Variants in ABCC2 observed in about 807,000 individuals in gnomAD.
The protein encoded by ABCC2 is ATP binding cassette subfamily C member 2.
ABCC2 carries 157 observed loss-of-function variants against 173.4 expected under a neutral mutation model. That is an observed-to-expected ratio of 0.91 (90% CI 0.80 to 1.03). The LOEUF (loss-of-function observed/expected upper bound fraction) is 1.03. ABCC2 is among the 50% of genes least tolerant of loss of function. The pLI is 0.00. For synonymous variants in ABCC2, 657 were observed against 693.5 expected, an observed-to-expected ratio of 0.95 and a Z score of 0.83; for missense variants, 1,822 against 1,852.3, an observed-to-expected ratio of 0.98 and a Z score of 0.30.
chr10:99,784,723 A>G lies in ABCC2; in HGVS notation c.149A>G (p.His50Arg). The change falls in exon 2 of 32, where the codon CAC becomes CGC. Residue 50 changes from histidine to arginine, a missense_variant. His to Arg is a conservative substitution (Grantham distance 29). Transcript: ENST00000647814. ...CTCCTGGCCCCCTGGCAGCTTCTCC[A>G]CGTGTATAAATCCAGGACCAAGAGA... ...LWLLAPWQLL[H>R]VYKSRTKRSS... The G allele has an allele frequency of 6.2e-7, 1 of 1,614,110 alleles. No individual in the cohort carries two copies. The highest frequency in any genetic ancestry group is 8.5e-7 in the Non-Finnish European group (1 of 1,180,020).
chr10:99,821,757 C>T (rs935547497), intron 19 of ABCC2, among the ~76,000 whole-genome samples: 8 of 152,216 alleles, frequency 5.3e-5, no homozygotes, highest in African/African-American at 1.7e-4. Context: ...TCTTTCTACA[C>T]AGACACAGTG....
rs2038143605 is a variant in ABCC2 at position 99,808,073 on chromosome 10, C to T, written c.1669-10C>T. Reference sequence around the variant, plus strand: ...TAGGAATAAATTGCTCATGACCTTGCCCTTTCCAGGTATCTGTGGTCACAT... The same window carrying T: ...TAGGAATAAATTGCTCATGACCTTGTCCTTTCCAGGTATCTGTGGTCACAT... On this transcript the variant is annotated splice_polypyrimidine_tract_variant and intron_variant, in intron 12 of 31. Coordinates refer to ENST00000647814, the MANE Select transcript of ABCC2 (RefSeq NM_000392.5). 6.2e-7 allele frequency: 1 copy of T among 1,613,802 alleles called. No individual in the cohort carries two copies. Among genetic ancestry groups the T allele is most frequent in the Non-Finnish European group, 8.5e-7 (1 of 1,179,946 alleles).
intron 14 of ABCC2, among the ~76,000 whole-genome samples, chr10:99,810,946 C>T (rs2038200418): frequency 6.6e-6 from 1 of 151,766 alleles, no homozygotes; most frequent in Non-Finnish European, 1.5e-5. Context: ...ATCACTTGAA[C>T]CTGGGAGGCA....
At chr10:99,789,576 A>G (rs974792804) in intron 2 of ABCC2, among the ~76,000 whole-genome samples, 5 of 151,960 alleles carry the variant, frequency 3.3e-5, no homozygotes, top group Non-Finnish European at 7.4e-5. Context: ...TTAGCCGGGC[A>G]TAATGGTTCA....
intron 19 of ABCC2, among the ~76,000 whole-genome samples, chr10:99,820,390 TCA>T (rs10555122): frequency 0.7 from 101,805 of 146,462 alleles, 35,673 homozygotes; most frequent in African/African-American, 0.88. Context: ...AAACTCCATC[TCA>T]CACACACACA....
At chr10:99,826,266 C>A (rs1470811333) in intron 19 of ABCC2, among the ~76,000 whole-genome samples, 5 of 151,792 alleles carry the variant, frequency 3.3e-5, no homozygotes, top group Non-Finnish European at 7.3e-5. Flanking sequence ...CATAGCTCCT[C>A]TGATTCCATC....
intron 3 of ABCC2, among the ~76,000 whole-genome samples, 161 bp from the exon 4 acceptor site, chr10:99,793,390 C>T (rs1169985541): frequency 6.6e-6 from 1 of 152,134 alleles, no homozygotes; most frequent in African/African-American, 2.4e-5. Context: ...ATGGGGGTGA[C>T]ATGTTCAACC....
intron 25 of ABCC2, among the ~76,000 whole-genome samples, chr10:99,841,133 T>C (rs1016141849): frequency 2.2e-4 from 34 of 152,196 alleles, no homozygotes; most frequent in Non-Finnish European, 3.2e-4. Flanking sequence ...CTTTTACAAA[T>C]ACTGAAATCA....
chr10:99,808,157 C>T lies in ABCC2; in HGVS notation c.1743C>T (p.Thr581=). Residue 581 remains threonine (T), a synonymous_variant, in exon 13 of 32, where the codon ACC becomes ACT. Coordinates refer to ENST00000647814, the MANE Select transcript of ABCC2 (RefSeq NM_000392.5). The part of the protein sequence containing the change: ...NNILDAQKAF[T]SITLFNILRF... ...TTTTGGATGCACAAAAGGCCTTCACCTCCATTACCCTCTTCAATATCCTGC... is the reference window on the plus strand; with the variant it reads ...TTTTGGATGCACAAAAGGCCTTCACTTCCATTACCCTCTTCAATATCCTGC... 2 of 1,614,102 alleles carry T rather than the reference C, an allele frequency of 1.2e-6. No homozygotes were observed. The highest frequency in any genetic ancestry group is 1.7e-6 in the Non-Finnish European group (2 of 1,179,982).
At position 99,799,220 on chromosome 10, in the gene ABCC2, A is replaced by G. The variant is rs754424951; in HGVS notation, c.881A>G (p.Lys294Arg). 5.0e-6 allele frequency: 8 copies of G among 1,614,070 alleles called. No homozygotes were observed. Among genetic ancestry groups the G allele is most frequent in the Non-Finnish European group, 6.8e-6 (8 of 1,179,996 alleles). The change falls in exon 8 of 32, where the codon AAG becomes AGG. Residue 294 changes from lysine to arginine, a missense_variant. Physicochemically the swap from Lys to Arg is conservative, Grantham distance 26. Coordinates refer to ENST00000647814, the MANE Select transcript of ABCC2 (RefSeq NM_000392.5). ...QDALVLEDVE[K>R]KKKKSGTKKD... ...TTTTGTACCTAGGAAGATGTTGAAA[A>G]GAAAAAAAAGAAGTCTGGGACCAAA... is the stretch of plus-strand genomic sequence containing the variant.
intron 19 of ABCC2, among the ~76,000 whole-genome samples, chr10:99,826,229 T>G (rs1011582926): frequency 5.9e-5 from 9 of 152,374 alleles, no homozygotes; most frequent in African/African-American, 2.2e-4. Flanking sequence ...CTCCTGTTAT[T>G]GCTTGAGCCA....
chr10:99,834,365 T>G lies in ABCC2; in HGVS notation c.3259-15T>G. 1.2e-6 allele frequency: 2 copies of G among 1,613,918 alleles called. No individual in the cohort carries two copies. Among genetic ancestry groups the G allele is most frequent in the Non-Finnish European group, 1.7e-6 (2 of 1,179,806 alleles). On this transcript the variant is annotated splice_polypyrimidine_tract_variant and intron_variant, in intron 23 of 31. Transcript: ENST00000647814. ...GACCTCAGTGATGGTGTATCTCTCC[T>G]AATCGTTTTCCTAGGATATTTCCAC...
At chr10:99,811,732 A>G in intron 15 of ABCC2, 130 bp downstream of exon 15, 1 of 1,053,346 alleles carries the variant, frequency 9.5e-7, no homozygotes. Flanking sequence ...ATACTAGTGC[A>G]GGATAAACCC....
In ABCC2 at chr10:99,784,704, G is replaced by GC; in HGVS notation, c.135dup (p.Trp46LeufsTer8). Reference sequence around the variant, plus strand: ...TCCCTTGGGCTACCTATGGCTCCTGGCCCCCTGGCAGCTTCTCCACGTGTA... The same window carrying GC: ...TCCCTTGGGCTACCTATGGCTCCTGGCCCCCCTGGCAGCTTCTCCACGTGTA... On this transcript the variant is annotated frameshift_variant, in exon 2 of 32. Transcript: ENST00000647814. LOFTEE classifies it high-confidence loss of function. 1 of 1,614,074 alleles carries GC rather than the reference G, an allele frequency of 6.2e-7. No individual in the cohort carries two copies. The highest frequency in any genetic ancestry group is 8.5e-7 in the Non-Finnish European group (1 of 1,179,956).
chr10:99,793,702 TG>T lies in ABCC2; in HGVS notation c.468+19del. On this transcript the variant is annotated intron_variant, in intron 4 of 31. Transcript: ENST00000647814. ...CTCTTACAGGTAAGGAAAAAAAGAG[TG>T]GATGACATGAGGAGGTACCATGGGG... is the stretch of plus-strand genomic sequence containing the variant. 6.2e-7 allele frequency: 1 copy of T among 1,613,706 alleles called. No homozygotes were observed. Among genetic ancestry groups the T allele is most frequent in the Non-Finnish European group, 8.5e-7 (1 of 1,179,918 alleles).
intron 2 of ABCC2, among the ~76,000 whole-genome samples, chr10:99,787,001 CAAA>C (rs200187648): frequency 9.0e-6 from 1 of 110,514 alleles, no homozygotes. Context: ...GACTCCGTCT[CAAA>C]AAAAAAAAAA....
chr10:99,803,025 G>A (rs2038037959), intron 9 of ABCC2, among the ~76,000 whole-genome samples: 1 of 152,198 alleles, frequency 6.6e-6, no homozygotes, highest in African/African-American at 2.4e-5. Flanking sequence ...CTGGAGTGTA[G>A]TGGCATGATC....
At chr10:99,849,547 T>A (rs1354616202) in intron 30 of ABCC2, among the ~76,000 whole-genome samples, 1 of 152,204 alleles carries the variant, frequency 6.6e-6, no homozygotes, top group Non-Finnish European at 1.5e-5. Flanking sequence ...AAAACTTACA[T>A]TTCTCTGTTG....
intron 25 of ABCC2, among the ~76,000 whole-genome samples, chr10:99,836,686 G>A (rs145816648): frequency 9.2e-5 from 14 of 152,266 alleles, no homozygotes; most frequent in Middle Eastern, 3.4e-3. Flanking sequence ...TTCTGAGAAC[G>A]GATGTGAGAT....
Sources: allele counts gnomAD v4.1 joint callset (sites outside exome capture counted in the v4.1 genomes callset), GRCh38; gene constraint gnomAD v4.1.1; transcripts MANE v1.5; gene names NCBI Gene and HGNC (gene_info 2026-07-23, HGNC 2026-07-21).